The following NCK2 variants were observed in gnomAD, a reference collection of about 807,000 sequenced individuals.
The protein encoded by NCK2 is cytoplasmic protein NCK2.
Under a neutral mutation model 33.9 loss-of-function variants are expected in NCK2, and 16 were observed. The ratio of observed to expected loss-of-function variants is 0.47; its 90% CI spans 0.32 to 0.72. NCK2 has a LOEUF of 0.72. Among genes scored for constraint, NCK2 ranks in the 30% least tolerant of loss-of-function variants. The pLI, the probability that NCK2 is intolerant of heterozygous loss-of-function variation, is 0.03. For synonymous variants in NCK2, 273 were observed against 239.9 expected, an observed-to-expected ratio of 1.14 and a Z score of -1.27; for missense variants, 418 against 537.3, an observed-to-expected ratio of 0.78 and a Z score of 2.19.
At chr2:105,827,225 T>C (rs938430833) in intron 2 of NCK2, among the ~76,000 whole-genome samples, 1 of 152,086 alleles carries the variant, frequency 6.6e-6, no homozygotes, top group Admixed American at 6.5e-5. Flanking sequence ...GGTCTCGATC[T>C]CCTGACCTCG....
At chr2:105,833,324 G>A (rs752414000) in intron 2 of NCK2, among the ~76,000 whole-genome samples, 11 of 152,068 alleles carry the variant, frequency 7.2e-5, no homozygotes, top group East Asian at 1.9e-4. Context: ...CTCGAACTCC[G>A]GGCCTCAGGT....
intron 3 of NCK2, among the ~76,000 whole-genome samples, chr2:105,871,653 C>T (rs186395513): frequency 2.6e-4 from 40 of 152,060 alleles, no homozygotes; most frequent in African/African-American, 8.9e-4. Flanking sequence ...CCACCACACC[C>T]AGCTAATTTT....
chr2:105,892,885 T>G, intron 4 of NCK2, 97 bp from the exon 5 acceptor site: 9 of 881,962 alleles, frequency 1.0e-5, no homozygotes, highest in East Asian at 2.6e-5. Context: ...GTTTGAGCAA[T>G]GGGTGGTTTG....
chr2:105,884,400 T>G (rs2104670842), intron 4 of NCK2, among the ~76,000 whole-genome samples: 1 of 152,342 alleles, frequency 6.6e-6, no homozygotes, highest in East Asian at 1.9e-4. Context: ...GAAAGGTTTC[T>G]GAGGGGTTCA....
chr2:105,830,362 A>C (rs1327456781), intron 2 of NCK2, among the ~76,000 whole-genome samples: 1 of 152,202 alleles, frequency 6.6e-6, no homozygotes, highest in Non-Finnish European at 1.5e-5. Context: ...ATATAATAAC[A>C]TTATCCAGGC....
At chr2:105,785,884 G>A (rs914749484) in intron 1 of NCK2, among the ~76,000 whole-genome samples, 12 of 152,152 alleles carry the variant, frequency 7.9e-5, no homozygotes, top group African/African-American at 2.7e-4. Flanking sequence ...TCTAGTAGCA[G>A]TGCAATACTT....
intron 2 of NCK2, among the ~76,000 whole-genome samples, chr2:105,844,812 A>G (rs992399791): frequency 6.7e-6 from 1 of 148,462 alleles, no homozygotes; most frequent in African/African-American, 2.5e-5. Flanking sequence ...ATAAATATAT[A>G]TACATAAAAA....
intron 2 of NCK2, among the ~76,000 whole-genome samples, chr2:105,851,216 T>C (rs1437596916): frequency 6.6e-6 from 1 of 151,802 alleles, no homozygotes; most frequent in Admixed American, 6.6e-5. Flanking sequence ...GGGTGCCTCC[T>C]TCATTGAGGA....
chr2:105,833,314 C>G (rs1030755569), intron 2 of NCK2, among the ~76,000 whole-genome samples: 5 of 152,098 alleles, frequency 3.3e-5, no homozygotes, highest in African/African-American at 4.8e-5. Flanking sequence ...CCAGGCTGAT[C>G]TCGAACTCCG....
chr2:105,782,322 G>A (rs1690526907), intron 1 of NCK2, among the ~76,000 whole-genome samples: 2 of 152,158 alleles, frequency 1.3e-5, no homozygotes. Flanking sequence ...ACCAGCCCAT[G>A]GGGATTAGTG....
chr2:105,800,983 A>G (rs188616166), intron 1 of NCK2, among the ~76,000 whole-genome samples: 194 of 152,306 alleles, frequency 1.3e-3, no homozygotes, highest in African/African-American at 4.0e-3. Context: ...GATTGGAGAC[A>G]GGCAAATGTT....
In NCK2 at chr2:105,816,427, T is replaced by C. The variant is rs1412301899; in HGVS notation, c.-200-3T>C. On this transcript the variant is annotated splice_region_variant and splice_polypyrimidine_tract_variant and intron_variant, in intron 1 of 4. Transcript: ENST00000233154. ...GACCTAATATATGCTTCTTTCTTTT[T>C]AGATTTCATGTGTTCTTTGTATACA... The C allele has an allele frequency of 6.6e-6, 1 of 152,244 alleles. No homozygotes were observed. The highest frequency in any genetic ancestry group is 2.4e-5 in the African/African-American group (1 of 41,464). The allele number at this position is 152,244 out of a possible 1,614,324, so 9.4% of individuals were successfully genotyped here. A position where few individuals can be genotyped will look rare whatever the true frequency, so the allele number is the denominator to read the frequency against.
chr2:105,875,053 T>A (rs1052486588), intron 3 of NCK2, among the ~76,000 whole-genome samples: 1 of 152,226 alleles, frequency 6.6e-6, no homozygotes, highest in Non-Finnish European at 1.5e-5. Flanking sequence ...TTTATTATTA[T>A]GAAATGCAGA....
intron 2 of NCK2, among the ~76,000 whole-genome samples, chr2:105,829,074 G>A (rs1360058057): frequency 6.6e-6 from 1 of 152,128 alleles, no homozygotes; most frequent in African/African-American, 2.4e-5. Flanking sequence ...TTCAGCAAGT[G>A]CTAGCTAGTG....
chr2:105,885,848 G>T (rs1217338849), intron 4 of NCK2, among the ~76,000 whole-genome samples: 10 of 152,180 alleles, frequency 6.6e-5, no homozygotes, highest in Admixed American at 6.5e-5. Context: ...AGCTTTTGTT[G>T]AGTGGGATTT....
intron 2 of NCK2, among the ~76,000 whole-genome samples, chr2:105,841,217 C>T (rs1270151188): frequency 2.0e-5 from 3 of 150,600 alleles, no homozygotes; most frequent in Admixed American, 1.3e-4. Context: ...TCGCCTTAAC[C>T]GCCAACCTAC....
intron 3 of NCK2, among the ~76,000 whole-genome samples, chr2:105,868,430 C>G (rs1044627641): frequency 2.6e-5 from 4 of 152,152 alleles, no homozygotes; most frequent in African/African-American, 9.7e-5. Flanking sequence ...GCAGGCCGTG[C>G]TGAGGCAGCT....
chr2:105,881,292 T>C, intron 3 of NCK2, 36 bp from the exon 4 acceptor site: 1 of 1,544,496 alleles, frequency 6.5e-7, no homozygotes, highest in Non-Finnish European at 8.7e-7. Context: ...GGTGCCCAAG[T>C]GCCCTGCGCC....
intron 4 of NCK2, among the ~76,000 whole-genome samples, chr2:105,892,082 C>T (rs998368277): frequency 6.6e-6 from 1 of 151,858 alleles, no homozygotes; most frequent in African/African-American, 2.4e-5. Flanking sequence ...CATCGGGAGG[C>T]TGAGGCAGGA....
Sources: gnomAD v4.1 joint callset for allele counts (sites outside exome capture counted in the v4.1 genomes callset) on GRCh38, gnomAD v4.1.1 for gene constraint, MANE v1.5 for transcripts, NCBI Gene and HGNC (gene_info 2026-07-23, HGNC 2026-07-21) for gene names.